KCNJ6: variants seen among roughly 807,000 people sequenced by gnomAD.
The protein encoded by KCNJ6 is G protein-activated inward rectifier potassium channel 2.
A neutral mutation model predicts 34.2 loss-of-function variants in KCNJ6; 9 were observed. That is an observed-to-expected ratio of 0.26 (90% CI 0.16 to 0.46). The LOEUF is 0.46. Ranked by LOEUF, KCNJ6 falls within the 20% of genes least tolerant of loss-of-function variation. The probability of loss-of-function intolerance (pLI) is 1.00; values close to 1 mark genes in which losing one functional copy is unlikely to be tolerated. For synonymous variants in KCNJ6, 196 were observed against 207.1 expected, an observed-to-expected ratio of 0.95 and a Z score of 0.46; for missense variants, 236 against 531.3, an observed-to-expected ratio of 0.44 and a Z score of 5.46.
intron 3 of KCNJ6, among the ~76,000 whole-genome samples, chr21:37,626,280 A>G (rs1601392567): frequency 6.6e-6 from 1 of 151,768 alleles, no homozygotes; most frequent in Non-Finnish European, 1.5e-5. Context: ...ACAGGTGCAC[A>G]CCGCCATGTC....
intron 3 of KCNJ6, among the ~76,000 whole-genome samples, chr21:37,665,891 G>C (rs2054511709): frequency 6.6e-6 from 1 of 152,192 alleles, no homozygotes; most frequent in South Asian, 2.1e-4. Context: ...GCAGGGAGTT[G>C]TCATAAGGCT....
chr21:37,837,712 T>C (rs1351500422), intron 2 of KCNJ6, among the ~76,000 whole-genome samples: 1 of 119,754 alleles, frequency 8.4e-6, no homozygotes, highest in East Asian at 3.6e-4. Context: ...TGGTTCTGTC[T>C]GTTTTTTTTT....
At chr21:37,768,247 C>G (rs183607017) in intron 2 of KCNJ6, among the ~76,000 whole-genome samples, 1 of 152,184 alleles carries the variant, frequency 6.6e-6, no homozygotes, top group African/African-American at 2.4e-5. Context: ...TCAGTCAGGC[C>G]ATCTCCTGTG....
At chr21:37,760,539 G>A (rs986173688) in intron 2 of KCNJ6, among the ~76,000 whole-genome samples, 2 of 152,196 alleles carry the variant, frequency 1.3e-5, no homozygotes, top group East Asian at 1.9e-4. Flanking sequence ...GTCCAACAGC[G>A]TGAGGCTTCT....
rs1308905903 is a variant in KCNJ6 at position 37,612,353 on chromosome 21, AAAG to A, written c.*12803_*12805del. The A allele has an allele frequency of 9.2e-5, 14 of 152,356 alleles. No individual in the cohort carries two copies. The highest frequency in any genetic ancestry group is 6.2e-4 in the South Asian group (3 of 4,826). 9.4% of individuals were successfully genotyped at this position (152,356 alleles called of 1,614,324 possible). On this transcript the variant is annotated 3_prime_UTR_variant, in exon 4 of 4. Coordinates refer to ENST00000609713, the MANE Select transcript of KCNJ6 (RefSeq NM_002240.5). ...AACTACAAAACTGGTGAATGATATC[AAAG>A]AAGAACTAAGTAAATACAGAGATAT...
intron 2 of KCNJ6, among the ~76,000 whole-genome samples, chr21:37,793,456 T>C (rs2055226358): frequency 7.1e-6 from 1 of 141,278 alleles, no homozygotes; most frequent in African/African-American, 2.7e-5. Context: ...CTGTTCTGGA[T>C]CAAAAGGCGT....
chr21:37,628,599 G>C (rs995563611), intron 3 of KCNJ6, among the ~76,000 whole-genome samples: 7 of 152,116 alleles, frequency 4.6e-5, no homozygotes, highest in African/African-American at 1.7e-4. Flanking sequence ...AGAGTATAAA[G>C]AGAAAATAGC....
intron 1 of KCNJ6, among the ~76,000 whole-genome samples, chr21:37,858,285 C>A (rs1462907445): frequency 7.0e-6 from 1 of 142,366 alleles, no homozygotes; most frequent in African/African-American, 2.6e-5. Flanking sequence ...CCCAGCTACT[C>A]GGGAGGCTGA....
chr21:37,681,357 T>C (rs2054589755), intron 3 of KCNJ6, among the ~76,000 whole-genome samples: 1 of 152,194 alleles, frequency 6.6e-6, no homozygotes, highest in African/African-American at 2.4e-5. Flanking sequence ...TGAAAGATGA[T>C]CTAGAAATAG....
intron 2 of KCNJ6, among the ~76,000 whole-genome samples, chr21:37,813,724 C>T (rs185527685): frequency 2.6e-5 from 4 of 152,262 alleles, no homozygotes; most frequent in Non-Finnish European, 2.9e-5. Context: ...AACTGGACTC[C>T]TATCTCTCAC....
rs1161423082 is a variant in KCNJ6 at position 37,609,485 on chromosome 21, C to G, written c.*15674G>C. On this transcript the variant is annotated 3_prime_UTR_variant, in exon 4 of 4. Transcript: ENST00000609713. Reference sequence around the variant, plus strand: ...ATTTTCTATCCTAAGAAATAGCTCACAGAACAACCCTATATTTTACTGGGC... The same window carrying G: ...ATTTTCTATCCTAAGAAATAGCTCAGAGAACAACCCTATATTTTACTGGGC... The G allele has an allele frequency of 6.6e-6, 1 of 152,170 alleles. No individual in the cohort carries two copies. 9.4% of individuals were successfully genotyped at this position (152,170 alleles called of 1,614,324 possible). A position where few individuals can be genotyped will look rare whatever the true frequency, so the allele number is the denominator to read the frequency against.
At chr21:37,791,075 A>C (rs1220123392) in intron 2 of KCNJ6, among the ~76,000 whole-genome samples, 1 of 152,176 alleles carries the variant, frequency 6.6e-6, no homozygotes, top group East Asian at 1.9e-4. Flanking sequence ...TGTTGGCTCC[A>C]TGGTGCTGTT....
intron 2 of KCNJ6, among the ~76,000 whole-genome samples, chr21:37,770,069 A>G (rs1051260529): frequency 3.9e-5 from 6 of 152,188 alleles, no homozygotes; most frequent in African/African-American, 1.4e-4. Context: ...GGTGGATAAA[A>G]ACAGAGACAT....
intron 1 of KCNJ6, among the ~76,000 whole-genome samples, chr21:37,907,567 T>C (rs542228049): frequency 6.6e-6 from 1 of 152,348 alleles, no homozygotes; most frequent in South Asian, 2.1e-4. Flanking sequence ...CAGAGCTGTG[T>C]AAATGCAGAG....
intron 3 of KCNJ6, among the ~76,000 whole-genome samples, chr21:37,686,422 G>C (rs2123423525): frequency 7.1e-6 from 1 of 141,196 alleles, no homozygotes; most frequent in East Asian, 2.2e-4. Context: ...GGTGTTTATA[G>C]TTTGCAACCT....
intron 3 of KCNJ6, among the ~76,000 whole-genome samples, chr21:37,643,787 G>A (rs531883612): frequency 6.6e-6 from 1 of 152,168 alleles, no homozygotes; most frequent in African/African-American, 2.4e-5. Flanking sequence ...GAATAGAAAG[G>A]TCTCCTGAAG....
chr21:37,746,932 G>T (rs756344050), intron 2 of KCNJ6, among the ~76,000 whole-genome samples: 3 of 152,222 alleles, frequency 2.0e-5, no homozygotes, highest in Non-Finnish European at 4.4e-5. Flanking sequence ...CCAGCTACTA[G>T]AATTGATGGC....
At chr21:37,684,034 T>C (rs985766907) in intron 3 of KCNJ6, among the ~76,000 whole-genome samples, 4 of 152,228 alleles carry the variant, frequency 2.6e-5, no homozygotes, top group African/African-American at 9.6e-5. Flanking sequence ...TCTCTAGTAA[T>C]AAACAAGAAA....
intron 3 of KCNJ6, among the ~76,000 whole-genome samples, chr21:37,674,484 C>G (rs535254198): frequency 3.6e-5 from 5 of 140,026 alleles, no homozygotes; most frequent in African/African-American, 1.4e-4. Flanking sequence ...ACCTCACTCG[C>G]CTCCTCTCTG....
Sources: allele counts gnomAD v4.1 joint callset (sites outside exome capture counted in the v4.1 genomes callset), GRCh38; gene constraint gnomAD v4.1.1; transcripts MANE v1.5; gene names NCBI Gene and HGNC (gene_info 2026-07-23, HGNC 2026-07-21).